The following CLSTN2 variants were observed in gnomAD, a reference collection of about 807,000 sequenced individuals.
CLSTN2 encodes calsyntenin-2.
CLSTN2 carries 48 observed loss-of-function variants against 101.2 expected under a neutral mutation model. That is an observed-to-expected ratio of 0.47 (90% confidence interval 0.38 to 0.60). The LOEUF is 0.60. CLSTN2 is among the 20% of genes least tolerant of loss of function. The pLI, the probability that CLSTN2 is intolerant of heterozygous loss-of-function variation, is 0.00. For missense variants in CLSTN2, 1,160 were observed against 1,238.2 expected (o/e 0.94, Z 0.95); for synonymous variants, 481 against 463.6 (o/e 1.04, Z -0.48).
At chr3:140,317,773 A>T (rs1221220571) in intron 2 of CLSTN2, among the ~76,000 whole-genome samples, 1 of 152,222 alleles carries the variant, frequency 6.6e-6, no homozygotes, top group African/African-American at 2.4e-5. Context: ...CCTCACATGT[A>T]GTACCAGATT....
intron 2 of CLSTN2, among the ~76,000 whole-genome samples, chr3:140,206,320 A>G (rs919021310): frequency 6.6e-6 from 1 of 152,140 alleles, no homozygotes; most frequent in Non-Finnish European, 1.5e-5. Context: ...TCTCCTATAG[A>G]TTGGGCTAGC....
chr3:140,493,742 G>A lies in CLSTN2; in HGVS notation c.1344+27011G>A, dbSNP rs752465227. Among the ~76,000 whole-genome samples the A allele has an allele frequency of 1.6e-4, 24 of 152,156 alleles. 1 individual carries two copies. The highest frequency in any genetic ancestry group is 2.9e-4 in the African/African-American group (12 of 41,428). On this transcript the variant is annotated intron_variant, in intron 8 of 16. Transcript: ENST00000458420. The stretch of plus-strand genomic sequence containing the variant: ...TTTGCCTACATTTACTCTTTTATTC[G>A]TCACAGCAGTCTGTGAAGAGGAATC...
intron 8 of CLSTN2, among the ~76,000 whole-genome samples, chr3:140,498,033 G>A (rs1391696689): frequency 4.6e-5 from 7 of 152,124 alleles, no homozygotes; most frequent in Admixed American, 2.6e-4. Context: ...GTCCCAATGC[G>A]AGAACCTAGA....
At chr3:140,476,939 G>C (rs1183862564) in intron 8 of CLSTN2, among the ~76,000 whole-genome samples, 1 of 152,148 alleles carries the variant, frequency 6.6e-6, no homozygotes, top group Non-Finnish European at 1.5e-5. Flanking sequence ...GATTACAGGT[G>C]TGAGCCACCG....
chr3:140,539,566 G>T (rs986071409), intron 9 of CLSTN2, among the ~76,000 whole-genome samples: 3 of 152,162 alleles, frequency 2.0e-5, no homozygotes, highest in African/African-American at 7.2e-5. Context: ...TGGGAGAGGG[G>T]AAGAGACCCT....
chr3:139,964,341 A>G (rs777452370), intron 1 of CLSTN2, among the ~76,000 whole-genome samples: 11 of 152,148 alleles, frequency 7.2e-5, no homozygotes, highest in Non-Finnish European at 1.0e-4. Context: ...AATGATCACA[A>G]TGTAATCTAA....
intron 2 of CLSTN2, among the ~76,000 whole-genome samples, chr3:140,305,983 G>T (rs745717089): frequency 1.3e-5 from 2 of 151,888 alleles, no homozygotes; most frequent in African/African-American, 4.8e-5. Context: ...TGAAATCTCC[G>T]TCTCTTTACT....
At chr3:140,352,563 G>A (rs6762256) in intron 2 of CLSTN2, among the ~76,000 whole-genome samples, 65,855 of 151,988 alleles carry the variant, frequency 0.43, 15,216 homozygotes, top group Non-Finnish European at 0.53. Context: ...AGAGCTGCTT[G>A]GGTTAGCAAA....
At chr3:140,524,427 C>A (rs1184711863) in intron 8 of CLSTN2, among the ~76,000 whole-genome samples, 1 of 152,174 alleles carries the variant, frequency 6.6e-6, no homozygotes, top group African/African-American at 2.4e-5. Flanking sequence ...TATGTTAGTT[C>A]TAACTTACAA....
chr3:140,421,738 G>T (rs551993737), intron 5 of CLSTN2, among the ~76,000 whole-genome samples: 16 of 152,148 alleles, frequency 1.1e-4, no homozygotes, highest in Non-Finnish European at 2.1e-4. Flanking sequence ...TCTGGATTAG[G>T]GAATGTATAA....
At chr3:140,208,392 A>T (rs1320689789) in intron 2 of CLSTN2, among the ~76,000 whole-genome samples, 1 of 152,216 alleles carries the variant, frequency 6.6e-6, no homozygotes, top group Non-Finnish European at 1.5e-5. Context: ...CACTAACTTT[A>T]TCTCTTTTAT....
At chr3:140,026,505 G>A (rs1329590796) in intron 1 of CLSTN2, among the ~76,000 whole-genome samples, 1 of 152,166 alleles carries the variant, frequency 6.6e-6, no homozygotes, top group Admixed American at 6.5e-5. Context: ...TCTGCTTCCT[G>A]TCTCTGTCAT....
Position 140,240,217 on chromosome 3 carries a change from C to CATATAT in CLSTN2, c.232+64145_232+64146insTATATA, listed in dbSNP as rs1559816232. Among the ~76,000 whole-genome samples, 181 of 29,822 alleles carry CATATAT rather than the reference C, an allele frequency of 6.1e-3. 1 individual carries two copies. The highest frequency in any genetic ancestry group is 9.3e-3 in the Admixed American group (13 of 1,400). 19.6% of individuals were successfully genotyped at this position (29,822 alleles called of 152,430 possible). On this transcript the variant is annotated intron_variant, in intron 2 of 16. Coordinates refer to ENST00000458420, the MANE Select transcript of CLSTN2 (RefSeq NM_022131.3). ...ATATATATACACACACACACACACA[C>CATATAT]ACACATATATATATATGCATATATA...
At chr3:140,228,097 A>C (rs1443478943) in intron 2 of CLSTN2, among the ~76,000 whole-genome samples, 1 of 152,110 alleles carries the variant, frequency 6.6e-6, no homozygotes, top group South Asian at 2.1e-4. Context: ...CTCCTCAAAA[A>C]ATGGGATGTT....
intron 1 of CLSTN2, among the ~76,000 whole-genome samples, chr3:139,974,635 G>T (rs1463572417): frequency 6.6e-6 from 1 of 152,230 alleles, no homozygotes; most frequent in Non-Finnish European, 1.5e-5. Context: ...GGGCAGGAAG[G>T]TTTTTAACTA....
At chr3:140,460,651 T>G (rs1933537201) in intron 7 of CLSTN2, among the ~76,000 whole-genome samples, 1 of 152,172 alleles carries the variant, frequency 6.6e-6, no homozygotes, top group African/African-American at 2.4e-5. Flanking sequence ...GAATGTCAGC[T>G]TAGATCCAAC....
intron 7 of CLSTN2, chr3:140,462,704 C>CT (rs1479575360): frequency 1.3e-5 from 2 of 152,148 alleles, no homozygotes; most frequent in African/African-American, 2.4e-5. Context: ...AGGTAACATT[C>CT]TTTCCCCATG....
At chr3:140,410,610 A>T (rs1399223250) in intron 4 of CLSTN2, among the ~76,000 whole-genome samples, 1 of 152,154 alleles carries the variant, frequency 6.6e-6, no homozygotes, top group Non-Finnish European at 1.5e-5. Context: ...ACAAAATCAT[A>T]TGAAGGTATG....
At chr3:140,482,673 G>A (rs539383463) in intron 8 of CLSTN2, among the ~76,000 whole-genome samples, 1 of 152,278 alleles carries the variant, frequency 6.6e-6, no homozygotes, top group Non-Finnish European at 1.5e-5. Context: ...AGTCTTGGGA[G>A]GGTGCATATG....
Sources: gnomAD v4.1 joint callset for allele counts (sites outside exome capture counted in the v4.1 genomes callset) on GRCh38, gnomAD v4.1.1 for gene constraint, MANE v1.5 for transcripts, NCBI Gene and HGNC (gene_info 2026-07-23, HGNC 2026-07-21) for gene names.